HTR1E: variants seen among roughly 807,000 people sequenced by gnomAD.
HTR1E encodes 5-hydroxytryptamine receptor 1E.
HTR1E carries 3 observed loss-of-function variants against 3.4 expected under a neutral mutation model. That is an observed-to-expected ratio of 0.89 (90% CI 0.41 to 2.31). HTR1E has a LOEUF of 2.31. HTR1E is among the 30% of genes most tolerant of loss of function. HTR1E has a pLI of 0.05. For missense variants in HTR1E, 392 were observed against 467.0 expected (o/e 0.84, Z 1.48); for synonymous variants, 170 against 182.8 (o/e 0.93, Z 0.56).
chr6:86,953,703 A>G (rs1325615880), intron 1 of HTR1E, among the ~76,000 whole-genome samples: 2 of 152,226 alleles, frequency 1.3e-5, no homozygotes, highest in African/African-American at 4.8e-5. Flanking sequence ...AACAGAAAAC[A>G]GATTGTATTA....
intron 1 of HTR1E, among the ~76,000 whole-genome samples, chr6:86,985,073 G>A (rs78434182): frequency 0.019 from 2,860 of 152,164 alleles, 109 homozygotes; most frequent in East Asian, 0.15. Context: ...TGACAATAAA[G>A]AACTATAATG....
chr6:87,012,248 G>A (rs1768249595), intron 1 of HTR1E, among the ~76,000 whole-genome samples: 1 of 152,182 alleles, frequency 6.6e-6, no homozygotes, highest in African/African-American at 2.4e-5. Flanking sequence ...TGGGGGTGTG[G>A]TTGGGGTTAG....
chr6:87,000,791 A>G (rs554578265), intron 1 of HTR1E, among the ~76,000 whole-genome samples: 8 of 152,374 alleles, frequency 5.3e-5, no homozygotes, highest in East Asian at 3.9e-4. Context: ...ATGAGCAATA[A>G]TAAATCATCT....
rs112737711 is a variant in HTR1E at position 86,949,345 on chromosome 6, G to A, written c.-186+11522G>A. ...GTATCTGGTATATTTTAATTACTAC[G>A]TAAGTGTGTCCCTGCTGCTGCTGCT... On this transcript the variant is annotated intron_variant, in intron 1 of 1. Coordinates refer to ENST00000305344, the MANE Select transcript of HTR1E (RefSeq NM_000865.3). 5.1e-4 allele frequency among the ~76,000 whole-genome samples: 78 copies of A among 152,196 alleles called. 1 individual carries two copies. The highest frequency in any genetic ancestry group is 9.8e-4 in the Non-Finnish European group (67 of 68,036).
intron 1 of HTR1E, among the ~76,000 whole-genome samples, chr6:86,963,754 G>A (rs1767438831): frequency 6.6e-6 from 1 of 152,148 alleles, no homozygotes; most frequent in Admixed American, 6.5e-5. Context: ...AGGAGCAATA[G>A]GCTATATCAC....
intron 1 of HTR1E, among the ~76,000 whole-genome samples, chr6:86,979,154 T>C (rs930563780): frequency 6.6e-6 from 1 of 152,236 alleles, no homozygotes; most frequent in African/African-American, 2.4e-5. Flanking sequence ...TGTTTACTCT[T>C]AGGATTTTAT....
chr6:86,991,129 C>G (rs537051930), intron 1 of HTR1E, among the ~76,000 whole-genome samples: 12 of 152,052 alleles, frequency 7.9e-5, no homozygotes, highest in Non-Finnish European at 1.5e-4. Context: ...TTTTTTTCTA[C>G]AGAATACCTG....
intron 1 of HTR1E, among the ~76,000 whole-genome samples, chr6:86,980,397 A>AG (rs1767695694): frequency 6.6e-6 from 1 of 151,862 alleles, no homozygotes; most frequent in Non-Finnish European, 1.5e-5. Flanking sequence ...AAAAAAAAAA[A>AG]AAAGAAAAAA....
At chr6:87,009,269 G>A (rs1044001235) in intron 1 of HTR1E, among the ~76,000 whole-genome samples, 2 of 149,688 alleles carry the variant, frequency 1.3e-5, no homozygotes, top group East Asian at 2.0e-4. Context: ...GACTCTTAAC[G>A]AGCATGCTGC....
chr6:86,992,747 T>C (rs1171343111), intron 1 of HTR1E, among the ~76,000 whole-genome samples: 2 of 152,196 alleles, frequency 1.3e-5, no homozygotes, highest in Non-Finnish European at 2.9e-5. Flanking sequence ...TATAAATGTG[T>C]AAGGTAGGTA....
intron 1 of HTR1E, among the ~76,000 whole-genome samples, chr6:86,994,306 C>CA (rs1767907743): frequency 6.6e-6 from 1 of 151,646 alleles, no homozygotes; most frequent in Admixed American, 6.6e-5. Flanking sequence ...TATAATAAGT[C>CA]AAAAAAATCA....
At chr6:86,954,618 G>C (rs116319886) in intron 1 of HTR1E, among the ~76,000 whole-genome samples, 1,774 of 152,272 alleles carry the variant, frequency 0.012, 37 homozygotes, top group African/African-American at 0.04. Flanking sequence ...CAGAGGATGA[G>C]AGACTCAGGA....
At chr6:87,005,543 G>A (rs1768090166) in intron 1 of HTR1E, among the ~76,000 whole-genome samples, 1 of 152,112 alleles carries the variant, frequency 6.6e-6, no homozygotes, top group African/African-American at 2.4e-5. Flanking sequence ...TCCATATGCA[G>A]AAGAATGAAA....
chr6:87,009,016 T>C (rs947811064), intron 1 of HTR1E, among the ~76,000 whole-genome samples: 2 of 152,188 alleles, frequency 1.3e-5, no homozygotes, highest in Non-Finnish European at 2.9e-5. Context: ...TTTATGTGTC[T>C]TTTGAGTCCC....
At chr6:86,978,121 T>C (rs1767665114) in intron 1 of HTR1E, among the ~76,000 whole-genome samples, 1 of 152,224 alleles carries the variant, frequency 6.6e-6, no homozygotes. Context: ...GATGTTATTA[T>C]AGATACTACT....
At chr6:86,972,742 G>A (rs72912476) in intron 1 of HTR1E, among the ~76,000 whole-genome samples, 31,879 of 152,002 alleles carry the variant, frequency 0.21, 3,862 homozygotes, top group African/African-American at 0.32. Flanking sequence ...CCAGATATCT[G>A]TATGAGTGTG....
At chr6:86,981,142 T>A (rs1767706332) in intron 1 of HTR1E, among the ~76,000 whole-genome samples, 1 of 152,200 alleles carries the variant, frequency 6.6e-6, no homozygotes, top group Non-Finnish European at 1.5e-5. Context: ...CAACAGAGGC[T>A]CAGATATCCA....
chr6:86,970,269 G>A (rs2127822637), intron 1 of HTR1E, among the ~76,000 whole-genome samples: 1 of 152,234 alleles, frequency 6.6e-6, no homozygotes, highest in Non-Finnish European at 1.5e-5. Flanking sequence ...AAATCCTAAA[G>A]TAACAACTGC....
At chr6:86,939,053 T>C (rs1012063731) in intron 1 of HTR1E, among the ~76,000 whole-genome samples, 1 of 152,202 alleles carries the variant, frequency 6.6e-6, no homozygotes, top group Non-Finnish European at 1.5e-5. Flanking sequence ...TGAAATACCT[T>C]TGAAATACAG....
Sources: allele counts gnomAD v4.1 joint callset (sites outside exome capture counted in the v4.1 genomes callset), GRCh38; gene constraint gnomAD v4.1.1; transcripts MANE v1.5; gene names NCBI Gene and HGNC (gene_info 2026-07-23, HGNC 2026-07-21).